The following LARGE1 variants were observed in gnomAD, a reference collection of about 807,000 sequenced individuals.
The protein encoded by LARGE1 is LARGE xylosyl- and glucuronyltransferase 1, also known as xylosyl- and glucuronyltransferase LARGE1.
LARGE1 carries 43 observed loss-of-function variants against 87.6 expected under a neutral mutation model. That is an observed-to-expected ratio of 0.49 (90% CI 0.38 to 0.63). The LOEUF (loss-of-function observed/expected upper bound fraction) is 0.63. Ranked by LOEUF, LARGE1 falls within the 30% of genes least tolerant of loss-of-function variation. The probability of loss-of-function intolerance (pLI) is 0.00; values close to 1 mark genes in which losing one functional copy is unlikely to be tolerated. For synonymous variants in LARGE1, 434 were observed against 394.6 expected (o/e 1.10, Z -1.18); for missense variants, 802 against 1,000.2 (o/e 0.80, Z 2.67).
Position 33,193,823 on chromosome 22 carries a change from T to TTA in LARGE1, c.1731-26993_1731-26992dup, listed in dbSNP as rs1413481215. On this transcript the variant is annotated intron_variant, in intron 11 of 11. Transcript: ENST00000608642. ...ACAGAGTGAGACTATAAAAAGTAAT[T>TTA]TATATATATATGTGTTCATATGTTT... Among the ~76,000 whole-genome samples the TTA allele has an allele frequency of 4.0e-5, 6 of 149,244 alleles. No homozygotes were observed. In the South Asian group the frequency reaches 6.3e-4, roughly 16 times the overall value.
At chr22:33,393,524 T>C (rs1023414267) in intron 7 of LARGE1, among the ~76,000 whole-genome samples, 4 of 152,248 alleles carry the variant, frequency 2.6e-5, no homozygotes, top group African/African-American at 7.2e-5. Flanking sequence ...CATTTGAAAC[T>C]GGAGCCTTTT....
chr22:33,843,125 G>C (rs1048249191), intron 1 of LARGE1, among the ~76,000 whole-genome samples: 1 of 152,126 alleles, frequency 6.6e-6, no homozygotes, highest in Non-Finnish European at 1.5e-5. Flanking sequence ...CTGTGAAGCT[G>C]TCCTTGATTT....
At chr22:33,568,127 C>G (rs2078082321) in intron 5 of LARGE1, among the ~76,000 whole-genome samples, 1 of 152,226 alleles carries the variant, frequency 6.6e-6, no homozygotes, top group Non-Finnish European at 1.5e-5. Context: ...CCCAGGCCAG[C>G]AGATGCTGGA....
intron 5 of LARGE1, among the ~76,000 whole-genome samples, chr22:33,567,864 T>A (rs2078074599): frequency 6.6e-6 from 1 of 152,216 alleles, no homozygotes; most frequent in Non-Finnish European, 1.5e-5. Flanking sequence ...CATGTGATAT[T>A]TGATTTTCTG....
chr22:33,099,357 G>A, the LARGE1 span, among the ~76,000 whole-genome samples: 49 of 152,228 alleles, frequency 3.2e-4, no homozygotes, highest in African/African-American at 1.1e-3. Flanking sequence ...GGGTTTAAGC[G>A]ATTCTCCGGC....
rs150247843 is a variant in LARGE1 at position 33,587,383 on chromosome 22, G to C, written c.615+17052C>G. Reference sequence around the variant, plus strand: ...GGTATTCTGATGTTGACTTACAATAGACAATTTAAGAAGGGTTGGCCCTCA... The same window carrying C: ...GGTATTCTGATGTTGACTTACAATACACAATTTAAGAAGGGTTGGCCCTCA... On this transcript the variant is annotated intron_variant, in intron 5 of 14. Coordinates refer to ENST00000397394, the MANE Select transcript of LARGE1 (RefSeq NM_133642.5). 7.3e-3 allele frequency among the ~76,000 whole-genome samples: 1,111 copies of C among 152,232 alleles called. 9 individuals are homozygous for C. The highest frequency in any genetic ancestry group is 0.025 in the African/African-American group (1,041 of 41,560).
intron 2 of LARGE1, among the ~76,000 whole-genome samples, chr22:33,685,518 T>C (rs2081918790): frequency 6.6e-6 from 1 of 152,232 alleles, no homozygotes; most frequent in Admixed American, 6.5e-5. Context: ...GAATCAACTG[T>C]GGTTTTGTTA....
intron 5 of LARGE1, among the ~76,000 whole-genome samples, 188 bp from the exon 6 acceptor site, chr22:33,565,207 A>T (rs2077987095): frequency 6.6e-6 from 1 of 152,248 alleles, no homozygotes; most frequent in Non-Finnish European, 1.5e-5. Flanking sequence ...AGTTTTCTGG[A>T]GGAAAATGTA....
intron 6 of LARGE1, among the ~76,000 whole-genome samples, chr22:33,514,274 A>G (rs1436456918): frequency 1.6e-5 from 1 of 63,366 alleles, no homozygotes; most frequent in African/African-American, 5.9e-5. Flanking sequence ...CGGCTAGTCT[A>G]TGTGTGTCCA....
chr22:33,471,880 T>A (rs2068857566), intron 6 of LARGE1, among the ~76,000 whole-genome samples: 1 of 152,028 alleles, frequency 6.6e-6, no homozygotes, highest in Non-Finnish European at 1.5e-5. Flanking sequence ...TGAAACCCCG[T>A]CTCTACTAAA....
chr22:33,714,421 C>G (rs993130550), intron 2 of LARGE1, among the ~76,000 whole-genome samples: 3 of 152,152 alleles, frequency 2.0e-5, no homozygotes, highest in African/African-American at 7.2e-5. Flanking sequence ...CATCTGTAAA[C>G]TGGGGGACAT....
At chr22:33,780,873 T>C (rs375211701) in intron 1 of LARGE1, among the ~76,000 whole-genome samples, 6 of 152,312 alleles carry the variant, frequency 3.9e-5, no homozygotes, top group African/African-American at 1.4e-4. Context: ...TTCAGATATA[T>C]CTCACTCACA....
At chr22:33,194,867 T>C (rs747989975) in intron 11 of LARGE1, among the ~76,000 whole-genome samples, 9 of 152,176 alleles carry the variant, frequency 5.9e-5, no homozygotes, top group African/African-American at 1.9e-4. Context: ...CCTAGGTTGA[T>C]AGAAAGAGTG....
At chr22:33,875,337 G>A (rs553987270) in intron 1 of LARGE1, among the ~76,000 whole-genome samples, 73 of 152,310 alleles carry the variant, frequency 4.8e-4, no homozygotes, top group Non-Finnish European at 9.3e-4. Context: ...GAAGCTGGGG[G>A]TGTCTCCATC....
intron 9 of LARGE1, among the ~76,000 whole-genome samples, chr22:33,375,774 G>C (rs752194546): frequency 1.3e-5 from 2 of 151,844 alleles, no homozygotes; most frequent in African/African-American, 4.8e-5. Flanking sequence ...TTGAGACATG[G>C]TTTCTCTCTG....
chr22:33,076,235 C>T, the LARGE1 span, among the ~76,000 whole-genome samples: 2 of 152,124 alleles, frequency 1.3e-5, no homozygotes, highest in African/African-American at 2.4e-5. Flanking sequence ...AATCAGAGTA[C>T]GTGACTTCTT....
chr22:33,538,428 A>T (rs2148620580), intron 6 of LARGE1, among the ~76,000 whole-genome samples: 1 of 152,330 alleles, frequency 6.6e-6, no homozygotes, highest in Non-Finnish European at 1.5e-5. Flanking sequence ...GGCACATAGT[A>T]GGCATATTTC....
chr22:33,667,163 G>C (rs2081292948), intron 2 of LARGE1, among the ~76,000 whole-genome samples: 1 of 152,222 alleles, frequency 6.6e-6, no homozygotes, highest in African/African-American at 2.4e-5. Flanking sequence ...ACACACCTGG[G>C]TTGTTTTGCT....
At chr22:33,721,053 G>A (rs1029037416) in intron 2 of LARGE1, among the ~76,000 whole-genome samples, 2 of 152,218 alleles carry the variant, frequency 1.3e-5, no homozygotes, top group South Asian at 2.1e-4. Context: ...CCTCTTGATG[G>A]AAAACAAAGA....
Sources: gnomAD v4.1 joint callset for allele counts (sites outside exome capture counted in the v4.1 genomes callset) on GRCh38, gnomAD v4.1.1 for gene constraint, MANE v1.5 for transcripts, NCBI Gene and HGNC (gene_info 2026-07-23, HGNC 2026-07-21) for gene names.